ZBED4: variants seen among roughly 807,000 people sequenced by gnomAD.
ZBED4 encodes the protein zinc finger BED-type containing 4, also known as zinc finger BED domain-containing protein 4.
ZBED4 carries 4 observed loss-of-function variants against 15.5 expected under a neutral mutation model. The ratio of observed to expected loss-of-function variants is 0.26; its 90% CI spans 0.13 to 0.59. The LOEUF is 0.59. Ranked by LOEUF, ZBED4 falls within the 20% of genes least tolerant of loss-of-function variation. The pLI, the probability that ZBED4 is intolerant of heterozygous loss-of-function variation, is 0.90. For synonymous variants in ZBED4, 692 were observed against 608.5 expected (o/e 1.14, Z -2.02); for missense variants, 1,323 against 1,461.8 (o/e 0.91, Z 1.55).
At chr22:49,856,307 G>T (rs1169250182) in intron 1 of ZBED4, among the ~76,000 whole-genome samples, 1 of 152,246 alleles carries the variant, frequency 6.6e-6, no homozygotes, top group Non-Finnish European at 1.5e-5. Context: ...GAACATGGTG[G>T]TGGTGAGGAG....
chr22:49,866,971 T>A (rs1257084251), intron 1 of ZBED4, among the ~76,000 whole-genome samples: 3 of 152,162 alleles, frequency 2.0e-5, no homozygotes, highest in Non-Finnish European at 4.4e-5. Context: ...GTTTGCTGTT[T>A]TTTCTAGTGT....
chr22:49,875,109 T>G (rs2060369250), intron 1 of ZBED4, among the ~76,000 whole-genome samples: 1 of 152,230 alleles, frequency 6.6e-6, no homozygotes, highest in Admixed American at 6.5e-5. Context: ...TCTGTGCTCA[T>G]AGGGTATCAA....
At chr22:49,857,410 A>G in intron 1 of ZBED4, among the ~76,000 whole-genome samples, 1 of 152,196 alleles carries the variant, frequency 6.6e-6, no homozygotes, top group East Asian at 1.9e-4. Context: ...GACCCAGAAC[A>G]TTTCAGGGAT....
chr22:49,875,244 G>A (rs1425907911), intron 1 of ZBED4, among the ~76,000 whole-genome samples: 1 of 150,070 alleles, frequency 6.7e-6, no homozygotes, highest in Non-Finnish European at 1.5e-5. Context: ...TTTCTTTAAT[G>A]TTTGGTAGAA....
chr22:49,878,220 G>A (rs183504734), intron 1 of ZBED4, among the ~76,000 whole-genome samples: 184 of 148,148 alleles, frequency 1.2e-3, no homozygotes, highest in African/African-American at 4.2e-3. Context: ...CAGGAGAATC[G>A]TTTGAACCCG....
chr22:49,853,480 G>T (rs2060259798), upstream of ZBED4: 3 of 152,444 alleles, frequency 2.0e-5, no homozygotes, highest in East Asian at 1.9e-4. Context: ...AACCCGCGGT[G>T]GGCCGTTGGG....
chr22:49,866,755 A>G (rs1002669201), intron 1 of ZBED4, among the ~76,000 whole-genome samples: 16 of 152,120 alleles, frequency 1.1e-4, no homozygotes, highest in Non-Finnish European at 1.8e-4. Flanking sequence ...TGCCTATTAT[A>G]TTAGTTTTCT....
At chr22:49,883,233 T>C (rs2060418669) in intron 1 of ZBED4, 101 bp from the exon 2 acceptor site, 1 of 153,638 alleles carries the variant, frequency 6.5e-6, no homozygotes, top group African/African-American at 2.4e-5. Flanking sequence ...TTTTCCATTA[T>C]ACAGTTTTTT....
At chr22:49,880,229 G>T (rs2060401698) in intron 1 of ZBED4, among the ~76,000 whole-genome samples, 1 of 152,112 alleles carries the variant, frequency 6.6e-6, no homozygotes, top group Admixed American at 6.5e-5. Context: ...GACCCTGCTT[G>T]CTGTTCACTC....
At chr22:49,864,927 A>C (rs2060313305) in intron 1 of ZBED4, among the ~76,000 whole-genome samples, 2 of 87,798 alleles carry the variant, frequency 2.3e-5, no homozygotes, top group Non-Finnish European at 1.9e-5. Flanking sequence ...ATGGGGTTCT[A>C]TCCCAGCAAG....
In ZBED4 at chr22:49,885,778, C is replaced by T. The variant is rs1276978918; in HGVS notation, c.2116C>T (p.Pro706Ser). The change falls in exon 2 of 2, where the codon CCA (proline) becomes TCA (serine). Residue 706 changes from proline to serine, a missense_variant. Pro to Ser is a moderately conservative substitution (Grantham distance 74). Around this residue, in one of 6 missense-constraint regions of ZBED4, gnomAD observed 89 missense variants for 129.8 expected, o/e 0.69. Coordinates refer to ENST00000216268, the MANE Select transcript of ZBED4 (RefSeq NM_014838.3). Reference sequence around the variant, plus strand: ...TTCCTACTTCTCCAGGACAGCTATCCCAGGTATGTATGATAATGTGAAGCA... The same window carrying T: ...TTCCTACTTCTCCAGGACAGCTATCTCAGGTATGTATGATAATGTGAAGCA... The part of the protein sequence containing the change: ...APSYFSRTAI[P>S]GMYDNVKQII... 1 of 1,605,720 alleles carries T rather than the reference C, an allele frequency of 6.2e-7. No individual in the cohort carries two copies. Among genetic ancestry groups the T allele is most frequent in the Non-Finnish European group, 8.5e-7 (1 of 1,174,030 alleles).
chr22:49,860,342 T>C (rs1427205381), intron 1 of ZBED4, among the ~76,000 whole-genome samples: 1 of 152,212 alleles, frequency 6.6e-6, no homozygotes, highest in African/African-American at 2.4e-5. Context: ...TATATAGTTT[T>C]ACTTAATTTC....
chr22:49,872,040 G>A (rs924207818), intron 1 of ZBED4, among the ~76,000 whole-genome samples: 4 of 152,042 alleles, frequency 2.6e-5, no homozygotes, highest in South Asian at 4.2e-4. Flanking sequence ...CACTGCACCC[G>A]GCTGACAATT....
intron 1 of ZBED4, among the ~76,000 whole-genome samples, 171 bp downstream of exon 1, chr22:49,854,160 C>T (rs1455871583): frequency 5.5e-5 from 8 of 145,514 alleles, no homozygotes; most frequent in Non-Finnish European, 1.5e-5. Flanking sequence ...CCGGCGCCGC[C>T]CCGGACCCGC....
At chr22:49,854,483 A>C (rs551197729) in intron 1 of ZBED4, among the ~76,000 whole-genome samples, 2 of 152,216 alleles carry the variant, frequency 1.3e-5, no homozygotes, top group African/African-American at 4.8e-5. Flanking sequence ...GCCCCGAGGC[A>C]GGTTATTGTA....
Position 49,883,497 on chromosome 22 carries a change from GA to G in ZBED4, c.-165del, listed in dbSNP as rs2060420016. The G allele has an allele frequency of 1.0e-6, 1 of 961,404 alleles. No individual in the cohort carries two copies. 59.6% of individuals were successfully genotyped at this position (961,404 alleles called of 1,614,324 possible). A position where few individuals can be genotyped will look rare whatever the true frequency, so the allele number is the denominator to read the frequency against. ...CTATGCTGTAAGACCATGAGTCACA[GA>G]TTCTTTTTTTCAGTACTATTTATGA... On this transcript the variant is annotated 5_prime_UTR_variant, in exon 2 of 2. The change creates a premature stop within an existing upstream ORF in the 5' untranslated region. Transcript: ENST00000216268.
rs79293507 is a variant in ZBED4, at chr22:49,887,001, G to T, written c.3339G>T (p.Gly1113=). ...YWNLKKASWP[G]LSALAVRFLG... ...ACCTGAAGAAGGCGTCCTGGCCGGGGCTGTCCGCGCTGGCCGTCAGATTTT... is the reference window on the plus strand; with the variant it reads ...ACCTGAAGAAGGCGTCCTGGCCGGGTCTGTCCGCGCTGGCCGTCAGATTTT... Residue 1113 remains glycine (G), a synonymous_variant, in exon 2 of 2, where the codon GGG becomes GGT. Transcript: ENST00000216268. 3.5e-4 allele frequency: 571 copies of T among 1,614,090 alleles called. 4 individuals are homozygous for T. In the East Asian group the frequency reaches 0.011, roughly 31 times the overall value.
chr22:49,872,913 G>A lies in ZBED4; in HGVS notation c.-329-10421G>A, dbSNP rs545004813. On this transcript the variant is annotated intron_variant, in intron 1 of 1. Coordinates refer to ENST00000216268, the MANE Select transcript of ZBED4 (RefSeq NM_014838.3). ...AGGTTTCACCATGTTAGCCAGGATG[G>A]TCTCGATCTCCTGACCTTGTGATCC... 8.5e-5 allele frequency among the ~76,000 whole-genome samples: 13 copies of A among 152,214 alleles called. No individual in the cohort carries two copies. In the South Asian group the frequency reaches 1.7e-3, roughly 19 times the overall value.
At chr22:49,877,613 G>A (rs540014148) in intron 1 of ZBED4, among the ~76,000 whole-genome samples, 1 of 152,078 alleles carries the variant, frequency 6.6e-6, no homozygotes, top group African/African-American at 2.4e-5. Flanking sequence ...CTTTATTTGG[G>A]TATAATTGAT....
Sources: allele counts gnomAD v4.1 joint callset (sites outside exome capture counted in the v4.1 genomes callset), GRCh38; gene constraint gnomAD v4.1.1; regional missense constraint gnomAD v4.1.1; transcripts MANE v1.5; gene names NCBI Gene and HGNC (gene_info 2026-07-23, HGNC 2026-07-21).